The following XIRP2 variants were observed in gnomAD, a reference collection of about 807,000 sequenced individuals.
XIRP2 encodes the protein xin actin binding repeat containing 2.
In XIRP2, 236 loss-of-function variants were observed where a neutral mutation model predicts 277.0. The ratio of observed to expected loss-of-function variants is 0.85; its 90% CI spans 0.77 to 0.95. The LOEUF is 0.95. XIRP2 is among the 40% of genes least tolerant of loss of function. XIRP2 has a pLI of 0.00. For synonymous variants in XIRP2, 1,490 were observed against 1,416.5 expected (o/e 1.05, Z -1.17); for missense variants, 4,640 against 4,157.5 (o/e 1.12, Z -3.19).
At chr2:167,212,359 T>A (rs1435135556) in intron 4 of XIRP2, among the ~76,000 whole-genome samples, 3 of 152,158 alleles carry the variant, frequency 2.0e-5, no homozygotes, top group Non-Finnish European at 4.4e-5. Flanking sequence ...TAAACAATAT[T>A]TGATTTAGGA....
At chr2:167,132,821 A>T (rs545440091) in intron 2 of XIRP2, among the ~76,000 whole-genome samples, 37 of 152,234 alleles carry the variant, frequency 2.4e-4, no homozygotes, top group East Asian at 5.8e-4. Context: ...AGAGCCCTAT[A>T]CAGGGCTCTC....
At position 167,096,018 on chromosome 2, in the gene XIRP2, C is replaced by T. The variant is rs542370347; in HGVS notation, c.409-39891C>T. Among the ~76,000 whole-genome samples the T allele has an allele frequency of 1.9e-4, 28 of 151,164 alleles. No homozygotes were observed. In the South Asian group the frequency reaches 2.9e-3, roughly 16 times the overall value. ...CCTCCCAAGTAGCTGGGACTACAGG[C>T]GCCCACCACCACACCCAGCTAATTT... is the stretch of plus-strand genomic sequence containing the variant. On this transcript the variant is annotated intron_variant, in intron 2 of 10. Transcript: ENST00000409195.
At chr2:167,112,572 A>T (rs1394787719) in intron 2 of XIRP2, among the ~76,000 whole-genome samples, 1 of 120,838 alleles carries the variant, frequency 8.3e-6, no homozygotes, top group Non-Finnish European at 1.6e-5. Context: ...ATATAGAGAT[A>T]TATTTATATA....
intron 2 of XIRP2, among the ~76,000 whole-genome samples, chr2:166,950,910 C>T (rs768341446): frequency 6.6e-6 from 1 of 152,116 alleles, no homozygotes; most frequent in East Asian, 1.9e-4. Flanking sequence ...TTATTATATA[C>T]ATTCACAGCA....
Position 167,248,714 on chromosome 2 carries a change from C to T in XIRP2, c.7322C>T (p.Ser2441Phe), listed in dbSNP as rs1559043101. The change falls in exon 9 of 11, where the codon TCC (serine) becomes TTC (phenylalanine). Residue 2441 changes from serine to phenylalanine, a missense_variant. Physicochemically the swap from Ser to Phe is radical, Grantham distance 155. Coordinates refer to ENST00000409195, the MANE Select transcript of XIRP2 (RefSeq NM_152381.6). ...ATAAAAGATAATAAGAACGATTTTT[C>T]CCCCAAAGTTGAACTGGCAACCTCC... ...KHIKDNKNDFSPKVELATSLS... is the reference protein window; with the variant it reads ...KHIKDNKNDFFPKVELATSLS... 1 of 1,613,680 alleles carries T rather than the reference C, an allele frequency of 6.2e-7. No individual in the cohort carries two copies. The highest frequency in any genetic ancestry group is 8.5e-7 in the Non-Finnish European group (1 of 1,179,800).
intron 2 of XIRP2, among the ~76,000 whole-genome samples, chr2:166,928,791 T>A (rs1197202331): frequency 6.6e-6 from 1 of 152,022 alleles, no homozygotes; most frequent in African/African-American, 2.4e-5. Context: ...ACTACTCTCA[T>A]GGGGAAAGAC....
chr2:167,257,243 AG>A (rs2105456844), intron 10 of XIRP2, among the ~76,000 whole-genome samples: 1 of 151,952 alleles, frequency 6.6e-6, no homozygotes, highest in Non-Finnish European at 1.5e-5. Context: ...TTTGATGTTG[AG>A]GGGGCTATCT....
At chr2:167,165,400 T>A (rs149986081) in intron 3 of XIRP2, among the ~76,000 whole-genome samples, 1 of 152,326 alleles carries the variant, frequency 6.6e-6, no homozygotes, top group Non-Finnish European at 1.5e-5. Flanking sequence ...AAAGTGTGTT[T>A]AGTTTTATAA....
intron 2 of XIRP2, among the ~76,000 whole-genome samples, chr2:166,908,801 T>C (rs1684612454): frequency 6.6e-6 from 1 of 152,220 alleles, no homozygotes; most frequent in Non-Finnish European, 1.5e-5. Flanking sequence ...ATATAAGGTG[T>C]AGGGAAGGGA....
chr2:167,046,468 T>C (rs1688789455), intron 2 of XIRP2, among the ~76,000 whole-genome samples: 2 of 130,950 alleles, frequency 1.5e-5, no homozygotes, highest in Non-Finnish European at 3.1e-5. Context: ...CAGAGACACA[T>C]GTATGCATGC....
chr2:166,889,307 T>C (rs1004750487), intron 1 of XIRP2, among the ~76,000 whole-genome samples: 7 of 152,138 alleles, frequency 4.6e-5, no homozygotes, highest in African/African-American at 1.7e-4. Context: ...CAGCTGTCCC[T>C]CCTCCACTCT....
chr2:166,920,048 G>C (rs1311562694), intron 2 of XIRP2, among the ~76,000 whole-genome samples: 1 of 152,012 alleles, frequency 6.6e-6, no homozygotes, highest in African/African-American at 2.4e-5. Flanking sequence ...GTTTACCGTT[G>C]AATGCCTCGC....
intron 2 of XIRP2, among the ~76,000 whole-genome samples, chr2:167,082,030 T>G (rs1417035945): frequency 1.3e-5 from 2 of 151,944 alleles, no homozygotes; most frequent in Non-Finnish European, 2.9e-5. Context: ...TGTGCCATGC[T>G]GGTGCGCTGC....
Position 167,259,386 on chromosome 2 carries a change from C to G in XIRP2, c.*1569C>G, listed in dbSNP as rs372143198. The stretch of plus-strand genomic sequence containing the variant: ...TAAAATATCTATGGCCACTGACAGT[C>G]CACACTTAGGCACTGAGAGATATTG... On this transcript the variant is annotated 3_prime_UTR_variant, in exon 11 of 11. Transcript: ENST00000409195. The G allele has an allele frequency of 3.8e-6, 6 of 1,571,468 alleles. No individual in the cohort carries two copies. The highest frequency in any genetic ancestry group is 5.2e-6 in the Non-Finnish European group (6 of 1,160,954).
At chr2:166,939,693 A>ACC (rs1192004318) in intron 2 of XIRP2, among the ~76,000 whole-genome samples, 2 of 133,450 alleles carry the variant, frequency 1.5e-5, no homozygotes, top group East Asian at 4.8e-4. Flanking sequence ...AAAAAAAAAA[A>ACC]AAAAACAAAA....
At chr2:167,170,047 A>G (rs894643426) in intron 3 of XIRP2, among the ~76,000 whole-genome samples, 3 of 152,100 alleles carry the variant, frequency 2.0e-5, no homozygotes, top group African/African-American at 7.2e-5. Context: ...GGAATTTTGT[A>G]CCTGCTCTTT....
chr2:167,120,061 C>G (rs568118215), intron 2 of XIRP2, among the ~76,000 whole-genome samples: 9 of 152,120 alleles, frequency 5.9e-5, no homozygotes, highest in African/African-American at 1.9e-4. Flanking sequence ...CACTTTGCAC[C>G]AAGCCTTTAA....
chr2:167,249,592 C>T lies in XIRP2; in HGVS notation c.8200C>T (p.Gln2734Ter), dbSNP rs933930364. The T allele has an allele frequency of 6.2e-7, 1 of 1,613,618 alleles. No homozygotes were observed. Among genetic ancestry groups the T allele is most frequent in the Non-Finnish European group, 8.5e-7 (1 of 1,179,796 alleles). Reference protein sequence around the residue: ...ETDHSYESHKQQSEIDVQTFT... With the variant: ...ETDHSYESHK The stretch of plus-strand genomic sequence containing the variant: ...AGACCACAGCTATGAAAGTCATAAA[C>T]AGCAATCTGAGATTGATGTTCAAAC... The change falls in exon 9 of 11, where the codon CAG (glutamine) becomes TAG (stop). Residue 2734 changes from glutamine (Q) to a stop codon, truncating the protein, a stop_gained. Transcript: ENST00000409195. LOFTEE classifies it high-confidence loss of function.
At chr2:167,034,049 G>C (rs1379921012) in intron 2 of XIRP2, among the ~76,000 whole-genome samples, 2 of 152,184 alleles carry the variant, frequency 1.3e-5, no homozygotes, top group Admixed American at 1.3e-4. Context: ...AGAGGAAACT[G>C]TCAGAAATAA....
Sources: gnomAD v4.1 joint callset for allele counts (sites outside exome capture counted in the v4.1 genomes callset) on GRCh38, gnomAD v4.1.1 for gene constraint, MANE v1.5 for transcripts, NCBI Gene and HGNC (gene_info 2026-07-23, HGNC 2026-07-21) for gene names.